Variants in EXOC4 observed in about 807,000 individuals in gnomAD.
The protein encoded by EXOC4 is SEC8-like 1.
A neutral mutation model predicts 107.2 loss-of-function variants in EXOC4; 71 were observed. The ratio of observed to expected loss-of-function variants is 0.66; its 90% CI spans 0.55 to 0.81. The LOEUF is 0.81. Ranked by LOEUF, EXOC4 falls within the 30% of genes least tolerant of loss-of-function variation. The probability of loss-of-function intolerance (pLI) is 0.00; values close to 1 mark genes in which losing one functional copy is unlikely to be tolerated. For synonymous variants in EXOC4, 456 were observed against 441.2 expected (o/e 1.03, Z -0.42); for missense variants, 1,108 against 1,189.6 (o/e 0.93, Z 1.01).
At chr7:133,906,353 C>G (rs1799565569) in intron 12 of EXOC4, among the ~76,000 whole-genome samples, 1 of 152,200 alleles carries the variant, frequency 6.6e-6, no homozygotes, top group African/African-American at 2.4e-5. Context: ...AACTAAGAAT[C>G]CCTAAGCCTT....
intron 10 of EXOC4, among the ~76,000 whole-genome samples, chr7:133,711,783 G>C (rs936432579): frequency 2.0e-5 from 3 of 152,054 alleles, no homozygotes; most frequent in African/African-American, 7.2e-5. Context: ...ATTTCATATG[G>C]GTGCCTCTTA....
intron 9 of EXOC4, among the ~76,000 whole-genome samples, chr7:133,588,858 CAA>C (rs1199562048): frequency 2.0e-5 from 3 of 151,798 alleles, no homozygotes; most frequent in African/African-American, 7.3e-5. Flanking sequence ...GACTGGGCGA[CAA>C]GAGTGAAACT....
At chr7:133,959,475 C>T (rs1426848061) in intron 14 of EXOC4, among the ~76,000 whole-genome samples, 2 of 151,128 alleles carry the variant, frequency 1.3e-5, no homozygotes, top group Admixed American at 1.3e-4. Context: ...AAAAAGGACC[C>T]TAGGAAGCAG....
intron 9 of EXOC4, among the ~76,000 whole-genome samples, chr7:133,554,140 G>A (rs1282630607): frequency 6.6e-6 from 1 of 151,970 alleles, no homozygotes; most frequent in Admixed American, 6.6e-5. Context: ...TTTATCTCAG[G>A]TGGATCTTTA....
chr7:133,634,870 AG>A (rs1802670954), intron 10 of EXOC4, among the ~76,000 whole-genome samples: 1 of 152,234 alleles, frequency 6.6e-6, no homozygotes, highest in African/African-American at 2.4e-5. Flanking sequence ...ATGCCCGGAT[AG>A]ATTCTGAAAT....
chr7:133,438,864 C>G (rs1374300572), intron 7 of EXOC4, among the ~76,000 whole-genome samples: 1 of 152,210 alleles, frequency 6.6e-6, no homozygotes, highest in East Asian at 1.9e-4. Context: ...TTTTCCTTAT[C>G]TCAAAAACTT....
intron 7 of EXOC4, among the ~76,000 whole-genome samples, chr7:133,428,583 T>C (rs756769086): frequency 3.3e-5 from 5 of 152,246 alleles, no homozygotes; most frequent in Non-Finnish European, 7.3e-5. Flanking sequence ...TATCCAGCTT[T>C]GGCTAGTTAT....
At chr7:133,736,486 G>A (rs1795447346) in intron 10 of EXOC4, among the ~76,000 whole-genome samples, 1 of 152,132 alleles carries the variant, frequency 6.6e-6, no homozygotes, top group Admixed American at 6.5e-5. Flanking sequence ...ATATGCTTTG[G>A]GTTGAGGACC....
At chr7:133,591,557 TGTGTGTGTGTGC>T (rs71162006) in intron 9 of EXOC4, among the ~76,000 whole-genome samples, 1,159 of 44,020 alleles carry the variant, frequency 0.026, 5 homozygotes, top group Non-Finnish European at 0.041. Context: ...GGTGTGTGTG[TGTGTGTGTGTGC>T]GTGTGTGTGT....
At chr7:133,563,212 G>A (rs1480064992) in intron 9 of EXOC4, among the ~76,000 whole-genome samples, 1 of 152,100 alleles carries the variant, frequency 6.6e-6, no homozygotes, top group East Asian at 1.9e-4. Flanking sequence ...AGAGACTGAA[G>A]TGTTGGAAAG....
At chr7:134,044,487 T>C (rs992697909) in intron 17 of EXOC4, among the ~76,000 whole-genome samples, 7 of 152,192 alleles carry the variant, frequency 4.6e-5, no homozygotes, top group African/African-American at 1.7e-4. Flanking sequence ...CTTTTTCTAC[T>C]AGGAATCAGC....
At chr7:133,382,608 G>A (rs965814596) in intron 7 of EXOC4, among the ~76,000 whole-genome samples, 19 of 152,106 alleles carry the variant, frequency 1.2e-4, no homozygotes, top group African/African-American at 4.6e-4. Context: ...AATACTAGAA[G>A]CCTTTAGTTA....
At chr7:133,435,301 AT>A (rs1797943813) in intron 7 of EXOC4, among the ~76,000 whole-genome samples, 1 of 152,092 alleles carries the variant, frequency 6.6e-6, no homozygotes, top group African/African-American at 2.4e-5. Flanking sequence ...TAAAAAAAAA[AT>A]CATACTTGTT....
At chr7:133,448,088 G>A (rs886272474) in intron 7 of EXOC4, among the ~76,000 whole-genome samples, 9 of 152,148 alleles carry the variant, frequency 5.9e-5, no homozygotes, top group African/African-American at 2.2e-4. Flanking sequence ...TATTGTGACT[G>A]TGGGTTAAAA....
intron 4 of EXOC4, among the ~76,000 whole-genome samples, chr7:133,312,188 C>G (rs1406826118): frequency 1.3e-5 from 2 of 151,950 alleles, no homozygotes; most frequent in Non-Finnish European, 2.9e-5. Flanking sequence ...ATATTGGTAC[C>G]ATGTAATTAC....
chr7:133,558,221 C>CTTTTCTTTTCTTTTCTT (rs1584997225), intron 9 of EXOC4, among the ~76,000 whole-genome samples: 1 of 99,620 alleles, frequency 1.0e-5, no homozygotes, highest in Non-Finnish European at 2.2e-5. Context: ...CTTTTCTTTT[C>CTTTTCTTTTCTTTTCTT]TTTTCTTTTC....
At chr7:133,825,282 T>G (rs1797674988) in intron 11 of EXOC4, among the ~76,000 whole-genome samples, 1 of 151,978 alleles carries the variant, frequency 6.6e-6, no homozygotes, top group South Asian at 2.1e-4. Flanking sequence ...GTTGGATCAC[T>G]TAAGCTCAGG....
intron 7 of EXOC4, among the ~76,000 whole-genome samples, chr7:133,449,744 T>TGTGTGTGTGTAC (rs1198671016): frequency 8.7e-6 from 1 of 114,478 alleles, no homozygotes; most frequent in Non-Finnish European, 1.9e-5. Context: ...TGTGTGTGTG[T>TGTGTGTGTGTAC]GTGTACATCT....
chr7:133,473,533 C>T (rs1798932826), intron 7 of EXOC4, among the ~76,000 whole-genome samples: 1 of 151,798 alleles, frequency 6.6e-6, no homozygotes, highest in Non-Finnish European at 1.5e-5. Flanking sequence ...CCTTTTTTGT[C>T]TTTTTGTACA....
Sources: gnomAD v4.1 joint callset for allele counts (sites outside exome capture counted in the v4.1 genomes callset) on GRCh38, gnomAD v4.1.1 for gene constraint, MANE v1.5 for transcripts, NCBI Gene and HGNC (gene_info 2026-07-23, HGNC 2026-07-21) for gene names.